Variants in ERI1 observed in about 807,000 individuals in gnomAD.
ERI1 encodes 3'-5' exoribonuclease 1.
Under a neutral mutation model 39.7 loss-of-function variants are expected in ERI1, and 39 were observed. That is an observed-to-expected ratio of 0.98 (90% CI 0.76 to 1.28). The LOEUF (loss-of-function observed/expected upper bound fraction) is 1.28. Ranked by LOEUF, ERI1 falls within the 50% of genes most tolerant of loss-of-function variation. The pLI is 0.00. For synonymous variants in ERI1, 204 were observed against 149.6 expected (o/e 1.36, Z -2.65); for missense variants, 581 against 416.9 (o/e 1.39, Z -3.43).
chr8:9,032,940 A>C lies in ERI1; in HGVS notation c.*2906A>C, dbSNP rs953914068. 1 of 152,258 alleles carries C rather than the reference A, an allele frequency of 6.6e-6. No individual in the cohort carries two copies. The highest frequency in any genetic ancestry group is 2.4e-5 in the African/African-American group (1 of 41,478). 9.4% of individuals were successfully genotyped at this position (152,258 alleles called of 1,614,324 possible). A position where few individuals can be genotyped will look rare whatever the true frequency, so the allele number is the denominator to read the frequency against. On this transcript the variant is annotated 3_prime_UTR_variant, in exon 7 of 7. Transcript: ENST00000250263. ...TTCCATTTCTAAGCTACCATGGAGA[A>C]GTATATGCTCCTCGAGACCAGAGAC...
intron 1 of ERI1, chr8:9,004,292 A>T (rs1301505119): frequency 1.7e-6 from 2 of 1,149,362 alleles, no homozygotes; most frequent in Non-Finnish European, 2.2e-6. Flanking sequence ...TGTCAATCTC[A>T]TCCTGTAAGT....
chr8:9,047,968 A>G (rs1798229739), intron 3 of ERI1, among the ~76,000 whole-genome samples: 1 of 152,226 alleles, frequency 6.6e-6, no homozygotes, highest in South Asian at 2.1e-4. Context: ...TATTATGTCC[A>G]TAGCACAGCT....
chr8:9,018,483 A>G, intron 5 of ERI1, 77 bp downstream of exon 5: 1 of 822,138 alleles, frequency 1.2e-6, no homozygotes. Flanking sequence ...TGATTTTTAG[A>G]ATAACCACAA....
intron 3 of ERI1, among the ~76,000 whole-genome samples, chr8:9,042,226 C>T (rs1028173425): frequency 1.3e-5 from 2 of 152,132 alleles, no homozygotes; most frequent in Non-Finnish European, 2.9e-5. Context: ...GAATGCCTCA[C>T]CCAGCGTATG....
chr8:9,078,324 A>G (rs1482273741), intron 3 of ERI1, among the ~76,000 whole-genome samples: 2 of 150,154 alleles, frequency 1.3e-5, no homozygotes, highest in Non-Finnish European at 3.0e-5. Flanking sequence ...AGGTATCTGT[A>G]TAGCACTTTT....
chr8:9,057,459 C>T (rs757430575), intron 3 of ERI1, among the ~76,000 whole-genome samples: 7 of 152,220 alleles, frequency 4.6e-5, no homozygotes, highest in Non-Finnish European at 8.8e-5. Context: ...ACGTAGCTCA[C>T]AGACCCAATC....
chr8:9,039,054 T>G (rs1288541858), intron 3 of ERI1, among the ~76,000 whole-genome samples: 1 of 152,234 alleles, frequency 6.6e-6, no homozygotes, highest in Non-Finnish European at 1.5e-5. Context: ...TGCCTAACTT[T>G]TAGAAGTGTT....
chr8:9,038,138 T>C (rs560974202), downstream of ERI1, among the ~76,000 whole-genome samples: 1 of 152,324 alleles, frequency 6.6e-6, no homozygotes, highest in South Asian at 2.1e-4. Flanking sequence ...GGAGTCTCCA[T>C]ACCATAGAAA....
At chr8:9,038,291 T>C (rs146558610), downstream of ERI1, among the ~76,000 whole-genome samples, 2 of 152,336 alleles carry the variant, frequency 1.3e-5, no homozygotes, top group African/African-American at 2.4e-5. Context: ...TGGTTTTGCT[T>C]TCCATAGTTT....
chr8:9,008,817 G>A (rs1816333765), intron 2 of ERI1, among the ~76,000 whole-genome samples: 1 of 152,068 alleles, frequency 6.6e-6, no homozygotes, highest in African/African-American at 2.4e-5. Flanking sequence ...GAACTGCCAG[G>A]CATCAAGAAA....
chr8:9,051,568 G>T (rs1322248275), intron 3 of ERI1, among the ~76,000 whole-genome samples: 1 of 151,744 alleles, frequency 6.6e-6, no homozygotes, highest in Middle Eastern at 3.4e-3. Flanking sequence ...AAGGTGGAAG[G>T]ATCACTTGAA....
At chr8:9,026,997 A>T (rs1279547749) in intron 6 of ERI1, among the ~76,000 whole-genome samples, 1 of 152,126 alleles carries the variant, frequency 6.6e-6, no homozygotes, top group Non-Finnish European at 1.5e-5. Context: ...GAGTTGGTGG[A>T]GCATGTGCTA....
chr8:9,095,896 C>A (rs1271343250), intron 3 of ERI1, among the ~76,000 whole-genome samples: 1 of 152,160 alleles, frequency 6.6e-6, no homozygotes, highest in Non-Finnish European at 1.5e-5. Context: ...CTTGGCCTTA[C>A]TAGCCTCATT....
At chr8:9,055,045 T>C (rs143903132) in intron 3 of ERI1, among the ~76,000 whole-genome samples, 2 of 152,322 alleles carry the variant, frequency 1.3e-5, no homozygotes, top group South Asian at 2.1e-4. Context: ...CAGAGTTTAA[T>C]TGAGTAAACA....
rs1039584241 is a variant in ERI1, at chr8:9,092,315, C to T, written n.300-24033C>T. Among the ~76,000 whole-genome samples the T allele has an allele frequency of 5.3e-5, 8 of 152,008 alleles. No individual in the cohort carries two copies. In the East Asian group the frequency reaches 5.8e-4, roughly 11 times the overall value. On this transcript the variant is annotated intron_variant and non_coding_transcript_variant, in intron 3 of 3. Coordinates refer to the ERI1 transcript ENST00000518663. ...TGTGAAGGATCTTAAGTGTGAAGAC[C>T]CTTATTTGGAGAGGATTTGGAGGGG...
rs1033356768 is a variant in ERI1 at position 9,030,688 on chromosome 8, C to G, written c.*654C>G. The G allele has an allele frequency of 6.6e-6, 1 of 152,264 alleles. No individual in the cohort carries two copies. The highest frequency in any genetic ancestry group is 1.5e-5 in the Non-Finnish European group (1 of 68,088). The allele number at this position is 152,264 out of a possible 1,614,324, so 9.4% of individuals were successfully genotyped here. On this transcript the variant is annotated 3_prime_UTR_variant, in exon 7 of 7. Transcript: ENST00000250263. The stretch of plus-strand genomic sequence containing the variant: ...TAGAAGAAAGTACTAAAAGGAATAT[C>G]ATAAGGGCTGTAGCTCAAACTTCAT...
At chr8:9,090,452 T>A (rs892267564) in intron 3 of ERI1, among the ~76,000 whole-genome samples, 11 of 152,232 alleles carry the variant, frequency 7.2e-5, no homozygotes, top group African/African-American at 2.7e-4. Context: ...GGGTACTTAC[T>A]CTAGCTTATT....
chr8:9,088,052 G>A (rs1799585105), intron 3 of ERI1, among the ~76,000 whole-genome samples: 1 of 152,170 alleles, frequency 6.6e-6, no homozygotes, highest in Non-Finnish European at 1.5e-5. Context: ...TCACGCTGCG[G>A]TATGTGGTTT....
At chr8:9,007,109 A>G (rs1314165342) in intron 1 of ERI1, among the ~76,000 whole-genome samples, 1 of 152,224 alleles carries the variant, frequency 6.6e-6, no homozygotes, top group Non-Finnish European at 1.5e-5. Flanking sequence ...GGAACTTAAC[A>G]TATTAGTAAT....
Sources: allele counts gnomAD v4.1 joint callset (sites outside exome capture counted in the v4.1 genomes callset), GRCh38; gene constraint gnomAD v4.1.1; transcripts MANE v1.5; gene names NCBI Gene and HGNC (gene_info 2026-07-23, HGNC 2026-07-21).